The following GPHN variants were observed in gnomAD, a reference collection of about 807,000 sequenced individuals.
GPHN encodes gephyrin.
In GPHN, 17 loss-of-function variants were observed where a neutral mutation model predicts 95.5. The ratio of observed to expected loss-of-function variants is 0.18; its 90% CI spans 0.12 to 0.27. GPHN has a LOEUF of 0.27. Among genes scored for constraint, GPHN ranks in the 10% least tolerant of loss-of-function variants. The probability of loss-of-function intolerance (pLI) is 1.00; values close to 1 mark genes in which losing one functional copy is unlikely to be tolerated. For synonymous variants in GPHN, 320 were observed against 322.5 expected (o/e 0.99, Z 0.08); for missense variants, 660 against 978.1 (o/e 0.67, Z 4.34).
the GPHN span, chr14:67,579,369 AC>A: frequency 7.5e-7 from 1 of 1,332,102 alleles, no homozygotes; most frequent in South Asian, 1.6e-5. Context: ...TCCAGAGAAT[AC>A]CCCTGGGCCT....
chr14:67,390,141 C>G, the GPHN span, among the ~76,000 whole-genome samples: 3 of 152,160 alleles, frequency 2.0e-5, no homozygotes, highest in Non-Finnish European at 1.5e-5. Context: ...GTGGTAATAC[C>G]TAGTATCAGA....
At chr14:67,579,167 G>T in the GPHN span, 1 of 1,606,144 alleles carries the variant, frequency 6.2e-7, no homozygotes, top group Admixed American at 1.8e-5. Flanking sequence ...CCTACTGCCA[G>T]CGGGCAGTGG....
At chr14:66,681,080 T>C in intron 1 of GPHN, 27 bp from the exon 2 acceptor site, 1 of 1,358,878 alleles carries the variant, frequency 7.4e-7, no homozygotes, top group Non-Finnish European at 1.0e-6. Flanking sequence ...AAATTAATTT[T>C]TTTTTCTTTT....
intron 4 of GPHN, among the ~76,000 whole-genome samples, chr14:66,833,309 T>C (rs1373698377): frequency 6.6e-6 from 1 of 152,026 alleles, no homozygotes; most frequent in Non-Finnish European, 1.5e-5. Context: ...AAACATCAGA[T>C]CTCAGGAGAA....
intron 10 of GPHN, among the ~76,000 whole-genome samples, chr14:67,050,674 C>A (rs575031316): frequency 6.6e-6 from 1 of 151,788 alleles, no homozygotes; most frequent in African/African-American, 2.4e-5. Flanking sequence ...GAAAAAAAAA[C>A]AAGGAGGGGC....
the GPHN span, chr14:67,583,921 G>A: frequency 1.2e-6 from 2 of 1,611,814 alleles, no homozygotes; most frequent in South Asian, 2.2e-5. Context: ...AGTCACTGTG[G>A]GGAGGTCTCA....
chr14:66,634,093 A>G (rs2063973570), intron 1 of GPHN, among the ~76,000 whole-genome samples: 2 of 151,984 alleles, frequency 1.3e-5, no homozygotes, highest in Non-Finnish European at 2.9e-5. Context: ...ACTCATTTTC[A>G]GGCATTTGAC....
At chr14:67,065,757 C>CTTTT (rs201638278) in intron 11 of GPHN, among the ~76,000 whole-genome samples, 6 of 128,518 alleles carry the variant, frequency 4.7e-5, no homozygotes, top group African/African-American at 1.5e-4. Context: ...GCAACCCCTG[C>CTTTT]TTTTTTTTTT....
chr14:67,087,478 G>T (rs2076954383), intron 11 of GPHN, among the ~76,000 whole-genome samples: 1 of 152,098 alleles, frequency 6.6e-6, no homozygotes, highest in African/African-American at 2.4e-5. Flanking sequence ...CCACCACTTT[G>T]CTTGTCTGAC....
At chr14:67,131,806 A>C (rs1284640593) in intron 17 of GPHN, among the ~76,000 whole-genome samples, 2 of 152,156 alleles carry the variant, frequency 1.3e-5, no homozygotes, top group African/African-American at 2.4e-5. Context: ...AAATTTTTTT[A>C]AATAAATTTC....
intron 8 of GPHN, among the ~76,000 whole-genome samples, chr14:66,942,123 C>T (rs950990981): frequency 2.0e-5 from 3 of 152,060 alleles, no homozygotes; most frequent in Non-Finnish European, 2.9e-5. Context: ...GTGATTCTCC[C>T]GCCTCAGCCT....
chr14:66,830,423 A>T (rs1057182302), intron 4 of GPHN, among the ~76,000 whole-genome samples: 2 of 152,116 alleles, frequency 1.3e-5, no homozygotes, highest in Non-Finnish European at 2.9e-5. Context: ...AATACAATGA[A>T]TTTGTTGTAC....
At chr14:67,721,688 C>T in the GPHN span, among the ~76,000 whole-genome samples, 4 of 151,392 alleles carry the variant, frequency 2.6e-5, no homozygotes, top group Non-Finnish European at 4.4e-5. Context: ...TTAGCATATG[C>T]CAGTTTCGTT....
chr14:66,759,668 A>T (rs754894398), intron 2 of GPHN, among the ~76,000 whole-genome samples: 2 of 152,148 alleles, frequency 1.3e-5, no homozygotes, highest in Non-Finnish European at 2.9e-5. Flanking sequence ...ATCTGGTTTT[A>T]TTATCCAACT....
At chr14:67,366,327 C>T in the GPHN span, among the ~76,000 whole-genome samples, 2 of 152,108 alleles carry the variant, frequency 1.3e-5, no homozygotes, top group Admixed American at 6.5e-5. Context: ...CTGCCTTGGC[C>T]TCACAAAGTA....
the GPHN span, chr14:67,695,587 C>T: frequency 9.9e-5 from 155 of 1,572,392 alleles, 1 homozygote; most frequent in African/African-American, 1.8e-3. Context: ...CCTCCCGCCC[C>T]GCAACAAGAA....
At chr14:66,596,357 G>A (rs1020675110) in intron 1 of GPHN, among the ~76,000 whole-genome samples, 1 of 152,014 alleles carries the variant, frequency 6.6e-6, no homozygotes, top group Non-Finnish European at 1.5e-5. Context: ...GTTTCACCAG[G>A]TACCTGCCCC....
At chr14:67,714,796 A>C in the GPHN span, 2 of 152,260 alleles carry the variant, frequency 1.3e-5, no homozygotes, top group African/African-American at 4.8e-5. Context: ...TTTTAAAAAT[A>C]AAAGAGGGCC....
chr14:67,579,325 C>T, the GPHN span: 32 of 1,485,306 alleles, frequency 2.2e-5, no homozygotes, highest in Non-Finnish European at 2.7e-5. Flanking sequence ...AGGAGCTGGG[C>T]GTGCTCTTTG....
Sources: allele counts gnomAD v4.1 joint callset (sites outside exome capture counted in the v4.1 genomes callset), GRCh38; gene constraint gnomAD v4.1.1; transcripts MANE v1.5; gene names NCBI Gene and HGNC (gene_info 2026-07-23, HGNC 2026-07-21).